Variants in SPPL3 observed in about 807,000 individuals in gnomAD.
SPPL3 encodes signal peptide peptidase-like 3.
Under a neutral mutation model 42.4 loss-of-function variants are expected in SPPL3, and 5 were observed. The ratio of observed to expected loss-of-function variants is 0.12; its 90% CI spans 0.06 to 0.25. The LOEUF is 0.25. Among genes scored for constraint, SPPL3 ranks in the 10% least tolerant of loss-of-function variants. The pLI, the probability that SPPL3 is intolerant of heterozygous loss-of-function variation, is 1.00. For synonymous variants in SPPL3, 195 were observed against 181.8 expected (o/e 1.07, Z -0.58); for missense variants, 235 against 489.0 (o/e 0.48, Z 4.90).
At chr12:120,795,723 T>G (rs1352697772) in intron 2 of SPPL3, among the ~76,000 whole-genome samples, 1 of 152,182 alleles carries the variant, frequency 6.6e-6, no homozygotes. Flanking sequence ...GTGCTTATAA[T>G]CTGCAGTTTT....
chr12:120,810,925 G>C (rs757462603), intron 1 of SPPL3, 39 bp from the exon 2 acceptor site: 1 of 1,469,608 alleles, frequency 6.8e-7, no homozygotes, highest in African/African-American at 1.4e-5. Flanking sequence ...ATCACATGCA[G>C]TGAGTCCTAA....
At position 120,783,222 on chromosome 12, in the gene SPPL3, C is replaced by T. The variant is rs145511586; in HGVS notation, c.389+452G>A. 2.6e-3 allele frequency among the ~76,000 whole-genome samples: 397 copies of T among 152,306 alleles called. 1 individual carries two copies. The highest frequency in any genetic ancestry group is 9.1e-3 in the African/African-American group (380 of 41,548). ...TAAGTGCGTTCAGCATCTCCATTAG[C>T]ACAGAATTTTGTTTCCGTGCAGCAA... On this transcript the variant is annotated intron_variant, in intron 5 of 10. Coordinates refer to ENST00000353487, the MANE Select transcript of SPPL3 (RefSeq NM_139015.5).
At chr12:120,848,635 T>A (rs935060569) in intron 1 of SPPL3, among the ~76,000 whole-genome samples, 1 of 152,224 alleles carries the variant, frequency 6.6e-6, no homozygotes, top group African/African-American at 2.4e-5. Flanking sequence ...TATAAATTAA[T>A]CTATATATTT....
intron 6 of SPPL3, among the ~76,000 whole-genome samples, chr12:120,780,560 G>A (rs1437243650): frequency 2.0e-5 from 3 of 149,042 alleles, no homozygotes; most frequent in East Asian, 4.0e-4. Context: ...ACCAGCCTGG[G>A]CAACATGAAG....
At chr12:120,887,911 T>C (rs941593148) in intron 1 of SPPL3, among the ~76,000 whole-genome samples, 14 of 152,298 alleles carry the variant, frequency 9.2e-5, no homozygotes, top group Admixed American at 5.2e-4. Context: ...TTGCTGGTGG[T>C]AATGTAAAAT....
chr12:120,830,061 G>A (rs1418747332), intron 1 of SPPL3, among the ~76,000 whole-genome samples: 6 of 149,918 alleles, frequency 4.0e-5, no homozygotes. Context: ...TCTGACTTTA[G>A]TATCCCAGTG....
At chr12:120,870,635 T>C (rs191757871) in intron 1 of SPPL3, among the ~76,000 whole-genome samples, 4 of 151,848 alleles carry the variant, frequency 2.6e-5, no homozygotes, top group African/African-American at 9.7e-5. Context: ...TACATTCAAA[T>C]ATTACTCAGC....
chr12:120,764,800 G>A lies in SPPL3; in HGVS notation c.*199C>T, dbSNP rs996534076. 7.1e-6 allele frequency: 4 copies of A among 565,988 alleles called. No homozygotes were observed. Among genetic ancestry groups the A allele is most frequent in the Non-Finnish European group, 1.2e-5 (4 of 335,822 alleles). 35.1% of individuals were successfully genotyped at this position (565,988 alleles called of 1,614,324 possible). ...TGGAAGGGGCCCCACCTCTACATCC[G>A]CAGGAAGAGAAGGAACCAAACAGGG... On this transcript the variant is annotated 3_prime_UTR_variant, in exon 11 of 11. Transcript: ENST00000353487.
At chr12:120,880,786 C>CG (rs1164506263) in intron 1 of SPPL3, among the ~76,000 whole-genome samples, 1 of 150,312 alleles carries the variant, frequency 6.7e-6, no homozygotes, top group African/African-American at 2.5e-5. Flanking sequence ...GACTCCGTCT[C>CG]GGGGGAAAAA....
chr12:120,801,135 T>C (rs1870279941), intron 2 of SPPL3, among the ~76,000 whole-genome samples: 1 of 152,204 alleles, frequency 6.6e-6, no homozygotes, highest in South Asian at 2.1e-4. Context: ...GGTGGAGGCA[T>C]TTCTCTGAGG....
chr12:120,873,747 C>T (rs570829192), intron 1 of SPPL3, among the ~76,000 whole-genome samples: 1 of 152,132 alleles, frequency 6.6e-6, no homozygotes, highest in East Asian at 1.9e-4. Flanking sequence ...TGGCACGTGC[C>T]TGTAATCCCA....
intron 1 of SPPL3, among the ~76,000 whole-genome samples, chr12:120,885,048 C>T (rs1221756504): frequency 6.6e-6 from 1 of 152,042 alleles, no homozygotes; most frequent in Non-Finnish European, 1.5e-5. Flanking sequence ...AGACTGCACT[C>T]AGTTGGGAAC....
At chr12:120,884,306 T>C (rs919645439) in intron 1 of SPPL3, among the ~76,000 whole-genome samples, 2 of 152,106 alleles carry the variant, frequency 1.3e-5, no homozygotes, top group Non-Finnish European at 2.9e-5. Context: ...GAGCGTTCAT[T>C]ATGCTACACA....
intron 6 of SPPL3, among the ~76,000 whole-genome samples, chr12:120,778,135 G>A (rs1236134358): frequency 1.2e-4 from 1 of 8,600 alleles, no homozygotes; most frequent in Non-Finnish European, 2.8e-4. Context: ...TTTTTTTTTT[G>A]AGATGGAGTC....
At chr12:120,872,692 A>T (rs530577088) in intron 1 of SPPL3, among the ~76,000 whole-genome samples, 1 of 152,302 alleles carries the variant, frequency 6.6e-6, no homozygotes, top group South Asian at 2.1e-4. Context: ...ACTGGAAAGC[A>T]ATAGGGCCAA....
rs893514894 is a variant in SPPL3, at chr12:120,868,681, C to A, written c.23+35164G>T. Among the ~76,000 whole-genome samples the A allele has an allele frequency of 5.9e-5, 9 of 152,208 alleles. No homozygotes were observed. In the East Asian group the frequency reaches 1.7e-3, roughly 29 times the overall value. On this transcript the variant is annotated intron_variant, in intron 1 of 10. Transcript: ENST00000353487. ...ATTTTTAGTAGAGACGGGGTTTCAC[C>A]AAGTTGGCTAGGATGGTCTCAATCT...
At chr12:120,899,250 A>C (rs1228035032) in intron 1 of SPPL3, among the ~76,000 whole-genome samples, 2 of 152,258 alleles carry the variant, frequency 1.3e-5, no homozygotes, top group African/African-American at 4.8e-5. Context: ...ACTTTAATAA[A>C]GGATGGCATT....
At position 120,798,544 on chromosome 12, in the gene SPPL3, T is replaced by C. The variant is rs564446599; in HGVS notation, c.102-6987A>G. ...TGTTTTCGCACAGCAGAGCTAACAATGTGCAGGACCTAAACTCTAGGGTTG... is the reference window on the plus strand; with the variant it reads ...TGTTTTCGCACAGCAGAGCTAACAACGTGCAGGACCTAAACTCTAGGGTTG... On this transcript the variant is annotated intron_variant, in intron 2 of 10. Transcript: ENST00000353487. Among the ~76,000 whole-genome samples, 48 of 152,352 alleles carry C rather than the reference T, an allele frequency of 3.2e-4. No individual in the cohort carries two copies. In the South Asian group the frequency reaches 9.5e-3, roughly 30 times the overall value.
At chr12:120,828,656 T>C (rs992684316) in intron 1 of SPPL3, among the ~76,000 whole-genome samples, 3 of 152,236 alleles carry the variant, frequency 2.0e-5, no homozygotes, top group African/African-American at 4.8e-5. Flanking sequence ...ATAGTGTGAA[T>C]TGGTGAGGAA....
Sources: gnomAD v4.1 joint callset for allele counts (sites outside exome capture counted in the v4.1 genomes callset) on GRCh38, gnomAD v4.1.1 for gene constraint, MANE v1.5 for transcripts, NCBI Gene and HGNC (gene_info 2026-07-23, HGNC 2026-07-21) for gene names.